Variants in CBX5 observed in about 807,000 individuals in gnomAD.
CBX5 encodes the protein chromobox protein homolog 5.
In CBX5, 7 loss-of-function variants were observed where a neutral mutation model predicts 20.7. The observed-to-expected ratio is 0.34, with a 90% CI of 0.19 to 0.63. CBX5 has a LOEUF of 0.63. CBX5 is among the 30% of genes least tolerant of loss of function. The pLI is 0.75. For synonymous variants in CBX5, 78 were observed against 77.0 expected (o/e 1.01, Z -0.07); for missense variants, 110 against 224.1 (o/e 0.49, Z 3.25).
intron 1 of CBX5, chr12:54,278,794 CTTTG>C (rs920730674): frequency 6.6e-6 from 1 of 152,180 alleles, no homozygotes; most frequent in African/African-American, 2.4e-5. Flanking sequence ...ATATTACCCT[CTTTG>C]TTTCTTTTTT....
chr12:54,271,180 G>A (rs1209423304), intron 1 of CBX5, among the ~76,000 whole-genome samples: 1 of 152,218 alleles, frequency 6.6e-6, no homozygotes, highest in Non-Finnish European at 1.5e-5. Flanking sequence ...GCTGTTGCTT[G>A]TACTATTCTA....
At chr12:54,252,251 T>G in intron 2 of CBX5, 24 bp from the exon 3 acceptor site, 1 of 1,023,902 alleles carries the variant, frequency 9.8e-7, no homozygotes, top group East Asian at 3.6e-5. Context: ...ATGGGAAAAT[T>G]AAAAAAAAAA....
In CBX5 at chr12:54,265,834, G is replaced by A. The variant is rs146918888; in HGVS notation, c.-42-8142C>T. Among the ~76,000 whole-genome samples the A allele has an allele frequency of 3.3e-3, 503 of 152,194 alleles. 10 individuals carry two copies. Among genetic ancestry groups the A allele is most frequent in the Admixed American group, 0.027 (410 of 15,286 alleles). ...GAGGCAGGCAGATCGATCACTTGAC[G>A]TCAGGAGTTCAAGACCAGCGTGGCC... On this transcript the variant is annotated intron_variant, in intron 1 of 4. Transcript: ENST00000209875.
intron 2 of CBX5, among the ~76,000 whole-genome samples, chr12:54,256,171 G>C (rs1943861677): frequency 6.6e-6 from 1 of 152,098 alleles, no homozygotes; most frequent in Non-Finnish European, 1.5e-5. Flanking sequence ...AATATTTCCA[G>C]TGGAAATGGG....
chr12:54,254,120 C>A (rs1943839749), intron 2 of CBX5, among the ~76,000 whole-genome samples: 1 of 151,782 alleles, frequency 6.6e-6, no homozygotes, highest in Non-Finnish European at 1.5e-5. Flanking sequence ...TATTTAAAAA[C>A]CCAAAATTCA....
chr12:54,251,971 T>C, intron 3 of CBX5, 70 bp downstream of exon 3: 1 of 1,327,254 alleles, frequency 7.5e-7, no homozygotes, highest in South Asian at 1.6e-5. Context: ...CAAAATATGA[T>C]ACTTTTATTT....
chr12:54,240,247 T>C lies in CBX5; in HGVS notation c.*1508A>G, dbSNP rs1347481672. ...CTTGGGGGACAAAGGCAGAAGGATA[T>C]GATCAGACAAATTTCTCAATAGCAA... is the stretch of plus-strand genomic sequence containing the variant. On this transcript the variant is annotated 3_prime_UTR_variant, in exon 5 of 5. Transcript: ENST00000209875. The C allele has an allele frequency of 6.6e-6, 1 of 152,154 alleles. No individual in the cohort carries two copies. The highest frequency in any genetic ancestry group is 1.5e-5 in the Non-Finnish European group (1 of 68,032). 9.4% of individuals were successfully genotyped at this position (152,154 alleles called of 1,614,324 possible). A position where few individuals can be genotyped will look rare whatever the true frequency, so the allele number is the denominator to read the frequency against.
intron 1 of CBX5, among the ~76,000 whole-genome samples, 194 bp downstream of exon 1, chr12:54,279,814 C>A (rs896729512): frequency 2.0e-5 from 3 of 152,248 alleles, no homozygotes; most frequent in Non-Finnish European, 2.9e-5. Context: ...CAGTCAAAGT[C>A]TTCGGCTGCA....
At chr12:54,248,578 G>A (rs1943761369) in intron 3 of CBX5, among the ~76,000 whole-genome samples, 1 of 152,082 alleles carries the variant, frequency 6.6e-6, no homozygotes, top group South Asian at 2.1e-4. Context: ...CTCTTTTGGG[G>A]GTGCTTAAGG....
At chr12:54,244,887 C>T (rs1222255575) in intron 4 of CBX5, among the ~76,000 whole-genome samples, 1 of 151,942 alleles carries the variant, frequency 6.6e-6, no homozygotes, top group Non-Finnish European at 1.5e-5. Context: ...CAGGTTTGGC[C>T]CTCAGTGATG....
At chr12:54,272,920 C>T (rs948243098) in intron 1 of CBX5, 1 of 152,146 alleles carries the variant, frequency 6.6e-6, no homozygotes, top group African/African-American at 2.4e-5. Flanking sequence ...ATGGTTACAC[C>T]ATTAGATAAT....
chr12:54,250,886 C>T (rs1318628544), intron 3 of CBX5, among the ~76,000 whole-genome samples: 1 of 142,968 alleles, frequency 7.0e-6, no homozygotes, highest in South Asian at 2.3e-4. Context: ...AATCCCAACA[C>T]TTTGGGAGGC....
intron 1 of CBX5, among the ~76,000 whole-genome samples, chr12:54,261,303 CTTTTTTT>C (rs372027623): frequency 7.0e-6 from 1 of 143,544 alleles, no homozygotes; most frequent in Non-Finnish European, 1.5e-5. Flanking sequence ...TTTCTTTTTT[CTTTTTTT>C]TTTTTGAGAC....
Position 54,244,324 on chromosome 12 carries a change from C to T in CBX5, c.425+1791G>A, listed in dbSNP as rs965744798. ...ACCACGCCCGGCCTTGATTATACAA[C>T]TTTTAAGGTAACATGTTTCTTTAGT... On this transcript the variant is annotated intron_variant, in intron 4 of 4. Coordinates refer to ENST00000209875, the MANE Select transcript of CBX5 (RefSeq NM_012117.3). Among the ~76,000 whole-genome samples the T allele has an allele frequency of 6.6e-5, 10 of 151,882 alleles. No homozygotes were observed. In the South Asian group the frequency reaches 2.1e-3, roughly 32 times the overall value.
chr12:54,245,832 G>T (rs561409211), intron 4 of CBX5, among the ~76,000 whole-genome samples: 100 of 152,064 alleles, frequency 6.6e-4, no homozygotes, highest in Middle Eastern at 3.4e-3. Flanking sequence ...ACAAAAATTA[G>T]CCAGGCATGG....
chr12:54,248,548 C>T (rs1373804460), intron 3 of CBX5, among the ~76,000 whole-genome samples: 1 of 152,180 alleles, frequency 6.6e-6, no homozygotes, highest in African/African-American at 2.4e-5. Context: ...ATGAGAGATA[C>T]TGACTTTTAA....
At chr12:54,263,617 G>A (rs965463319) in intron 1 of CBX5, among the ~76,000 whole-genome samples, 8 of 151,362 alleles carry the variant, frequency 5.3e-5, no homozygotes, top group South Asian at 2.1e-4. Context: ...CCAGCTACTC[G>A]GGAGGCTGAG....
At position 54,262,675 on chromosome 12, in the gene CBX5, T is replaced by C. The variant is rs111975024; in HGVS notation, c.-42-4983A>G. 644 of 152,786 alleles carry C rather than the reference T, an allele frequency of 4.2e-3. 5 individuals carry two copies. The highest frequency in any genetic ancestry group is 5.7e-3 in the Non-Finnish European group (391 of 68,060). 9.5% of individuals were successfully genotyped at this position (152,786 alleles called of 1,614,324 possible). A position where few individuals can be genotyped will look rare whatever the true frequency, so the allele number is the denominator to read the frequency against. On this transcript the variant is annotated intron_variant, in intron 1 of 4. Transcript: ENST00000209875. ...CATCGGAGGGGACATAATTCTCTTT[T>C]AGACAGTGTGACCCGGAGTATTAGG...
intron 1 of CBX5, among the ~76,000 whole-genome samples, chr12:54,276,067 T>C (rs1227833115): frequency 6.6e-6 from 1 of 151,932 alleles, no homozygotes; most frequent in Non-Finnish European, 1.5e-5. Context: ...CTTTAAGCAT[T>C]GTGAGACTTC....
Sources: gnomAD v4.1 joint callset for allele counts (sites outside exome capture counted in the v4.1 genomes callset) on GRCh38, gnomAD v4.1.1 for gene constraint, MANE v1.5 for transcripts, NCBI Gene and HGNC (gene_info 2026-07-23, HGNC 2026-07-21) for gene names.